The following SRFBP1 variants were observed in gnomAD, a reference collection of about 807,000 sequenced individuals.
SRFBP1 encodes serum response factor-binding protein 1.
In SRFBP1, 47 loss-of-function variants were observed where a neutral mutation model predicts 45.5. The observed-to-expected ratio is 1.03, with a 90% CI of 0.82 to 1.32. The LOEUF (loss-of-function observed/expected upper bound fraction) is 1.32. Among genes scored for constraint, SRFBP1 ranks in the 40% most tolerant of loss-of-function variants. The pLI, the probability that SRFBP1 is intolerant of heterozygous loss-of-function variation, is 0.00. For missense variants in SRFBP1, 621 were observed against 484.6 expected (o/e 1.28, Z -2.64); for synonymous variants, 203 against 166.3 (o/e 1.22, Z -1.70).
downstream of SRFBP1, among the ~76,000 whole-genome samples, chr5:122,029,149 C>T (rs1753552005): frequency 3.3e-5 from 5 of 152,052 alleles, no homozygotes; most frequent in South Asian, 1.0e-3. Flanking sequence ...GAGGGGGCTA[C>T]ATCTAGCAGA....
At chr5:121,980,485 T>A (rs889267577) in intron 3 of SRFBP1, among the ~76,000 whole-genome samples, 1 of 152,142 alleles carries the variant, frequency 6.6e-6, no homozygotes, top group Non-Finnish European at 1.5e-5. Flanking sequence ...CGTTAAAACG[T>A]TTTTATTGTT....
chr5:121,976,341 T>TA (rs1444199052), intron 3 of SRFBP1, among the ~76,000 whole-genome samples: 1 of 151,948 alleles, frequency 6.6e-6, no homozygotes, highest in Non-Finnish European at 1.5e-5. Flanking sequence ...ATCCATCTGA[T>TA]ATAACTTTTA....
intron 2 of SRFBP1, among the ~76,000 whole-genome samples, chr5:122,061,488 A>T (rs1754168424): frequency 6.6e-6 from 1 of 152,096 alleles, no homozygotes; most frequent in South Asian, 2.1e-4. Context: ...TAAATATATG[A>T]ATACATCCTT....
At chr5:122,008,301 T>G (rs1753018389) in intron 4 of SRFBP1, among the ~76,000 whole-genome samples, 1 of 151,998 alleles carries the variant, frequency 6.6e-6, no homozygotes, top group African/African-American at 2.4e-5. Context: ...GCCTGGAGCC[T>G]GGGACTGCGG....
intron 4 of SRFBP1, among the ~76,000 whole-genome samples, chr5:122,016,602 T>A (rs1753198587): frequency 6.6e-6 from 1 of 152,206 alleles, no homozygotes; most frequent in African/African-American, 2.4e-5. Context: ...AATCATGTTT[T>A]TCATTGGAGT....
At chr5:122,056,384 A>G (rs1219571851) in intron 2 of SRFBP1, among the ~76,000 whole-genome samples, 1 of 152,226 alleles carries the variant, frequency 6.6e-6, no homozygotes, top group African/African-American at 2.4e-5. Flanking sequence ...TAGCCCTGAT[A>G]CATTTGCAAG....
intron 3 of SRFBP1, among the ~76,000 whole-genome samples, chr5:121,979,347 A>G (rs1354628226): frequency 2.6e-5 from 4 of 152,086 alleles, no homozygotes; most frequent in Non-Finnish European, 5.9e-5. Flanking sequence ...AAAGTTACCA[A>G]GTTTTTTCTA....
intron 4 of SRFBP1, 55 bp from the exon 5 acceptor site, chr5:122,019,205 A>C (rs1288788193): frequency 7.1e-7 from 1 of 1,416,318 alleles, no homozygotes; most frequent in African/African-American, 1.4e-5. Flanking sequence ...ATTCACTTTC[A>C]ATAGTGTCAT....
At chr5:121,972,522 A>C (rs1009763122) in intron 1 of SRFBP1, among the ~76,000 whole-genome samples, 5 of 151,964 alleles carry the variant, frequency 3.3e-5, no homozygotes, top group Non-Finnish European at 5.9e-5. Context: ...GAATGTTACA[A>C]GTATTTGCTG....
intron 2 of SRFBP1, among the ~76,000 whole-genome samples, chr5:122,054,005 A>G (rs1350187803): frequency 2.6e-5 from 4 of 152,124 alleles, no homozygotes; most frequent in African/African-American, 9.7e-5. Context: ...AGGCTGAATC[A>G]GAACTGCTGG....
intron 1 of SRFBP1, among the ~76,000 whole-genome samples, chr5:121,969,671 G>A (rs142964651): frequency 2.6e-5 from 4 of 152,024 alleles, no homozygotes; most frequent in South Asian, 2.1e-4. Flanking sequence ...ATATATATTC[G>A]CTGGGTATGT....
intron 2 of SRFBP1, among the ~76,000 whole-genome samples, chr5:122,043,956 G>A (rs1753811690): frequency 6.6e-6 from 1 of 151,960 alleles, no homozygotes; most frequent in African/African-American, 2.4e-5. Context: ...TGTCTCCCTG[G>A]TAATGCGCAT....
At chr5:122,052,025 A>G (rs1482847516) in intron 2 of SRFBP1, among the ~76,000 whole-genome samples, 1 of 152,190 alleles carries the variant, frequency 6.6e-6, no homozygotes, top group African/African-American at 2.4e-5. Context: ...TTGGCCACAT[A>G]TGAAATTTTT....
Position 122,019,357 on chromosome 5 carries a change from C to T in SRFBP1, c.352+16C>T. Reference sequence around the variant, plus strand: ...GTGCTAAAAGGTATGAATTAAATGACTTTTAAGCCATGTACTTAATGTATT... The same window carrying T: ...GTGCTAAAAGGTATGAATTAAATGATTTTTAAGCCATGTACTTAATGTATT... On this transcript the variant is annotated intron_variant, in intron 5 of 7. Coordinates refer to ENST00000339397, the MANE Select transcript of SRFBP1 (RefSeq NM_152546.3). 1.9e-6 allele frequency: 3 copies of T among 1,595,032 alleles called. No homozygotes were observed. Among genetic ancestry groups the T allele is most frequent in the Non-Finnish European group, 2.6e-6 (3 of 1,166,336 alleles).
intron 2 of SRFBP1, among the ~76,000 whole-genome samples, chr5:122,048,125 G>A (rs1310150358): frequency 6.6e-6 from 1 of 152,132 alleles, no homozygotes; most frequent in Non-Finnish European, 1.5e-5. Context: ...TCTTGTGCCA[G>A]TTTTGAAAGG....
intron 4 of SRFBP1, among the ~76,000 whole-genome samples, chr5:122,017,598 A>G (rs971148605): frequency 6.6e-6 from 1 of 152,216 alleles, no homozygotes; most frequent in Non-Finnish European, 1.5e-5. Flanking sequence ...GACGCGATTC[A>G]ACCTAGTACA....
intron 2 of SRFBP1, among the ~76,000 whole-genome samples, chr5:122,059,211 A>G (rs1225726313): frequency 2.0e-5 from 3 of 152,150 alleles, no homozygotes; most frequent in Non-Finnish European, 4.4e-5. Flanking sequence ...AGCCTTCTCA[A>G]ACTCTGAAAG....
chr5:122,020,083 T>C lies in SRFBP1; in HGVS notation c.353-5T>C. 1 of 1,533,404 alleles carries C rather than the reference T, an allele frequency of 6.5e-7. No homozygotes were observed. Among genetic ancestry groups the C allele is most frequent in the South Asian group, 1.3e-5 (1 of 76,328 alleles). 95.0% of individuals were successfully genotyped at this position (1,533,404 alleles called of 1,614,324 possible). A position where few individuals can be genotyped will look rare whatever the true frequency, so the allele number is the denominator to read the frequency against. On this transcript the variant is annotated splice_region_variant and splice_polypyrimidine_tract_variant and intron_variant, in intron 5 of 7. Transcript: ENST00000339397. ...AAAATGAGTGATGCACTGTTTCTCT[T>C]GCAGCTGCTGTACAAGCCTTTAAAG...
downstream of SRFBP1, among the ~76,000 whole-genome samples, chr5:122,078,722 T>C (rs555386941): frequency 4.8e-4 from 73 of 152,292 alleles, 2 homozygotes; most frequent in South Asian, 1.0e-3. Flanking sequence ...ACCAGACACA[T>C]TTCCCAACGC....
Sources: allele counts gnomAD v4.1 joint callset (sites outside exome capture counted in the v4.1 genomes callset), GRCh38; gene constraint gnomAD v4.1.1; transcripts MANE v1.5; gene names NCBI Gene and HGNC (gene_info 2026-07-23, HGNC 2026-07-21).